Variants in ESR1 observed in about 807,000 individuals in gnomAD.
The protein encoded by ESR1 is estrogen receptor 1.
In ESR1, 12 loss-of-function variants were observed where a neutral mutation model predicts 52.7. The ratio of observed to expected loss-of-function variants is 0.23; its 90% CI spans 0.15 to 0.37. ESR1 has a LOEUF of 0.37. ESR1 is among the 10% of genes least tolerant of loss of function. The pLI is 1.00. For synonymous variants in ESR1, 305 were observed against 316.8 expected (o/e 0.96, Z 0.39); for missense variants, 584 against 779.7 (o/e 0.75, Z 2.99).
At chr6:151,809,667 A>G (rs1778483159) in intron 1 of ESR1, among the ~76,000 whole-genome samples, 1 of 152,186 alleles carries the variant, frequency 6.6e-6, no homozygotes, top group African/African-American at 2.4e-5. Flanking sequence ...GAGGATACTG[A>G]AGGGCAGATT....
At chr6:151,997,051 T>A (rs1422972345) in intron 4 of ESR1, among the ~76,000 whole-genome samples, 1 of 151,466 alleles carries the variant, frequency 6.6e-6, no homozygotes, top group African/African-American at 2.4e-5. Flanking sequence ...CCTATGTAAG[T>A]AGACTTCCTA....
At chr6:151,938,097 T>A (rs777775027) in intron 3 of ESR1, among the ~76,000 whole-genome samples, 8 of 152,216 alleles carry the variant, frequency 5.3e-5, no homozygotes, top group Admixed American at 6.5e-5. Context: ...TAATACCCCA[T>A]GAATTATTGA....
intron 1 of ESR1, among the ~76,000 whole-genome samples, chr6:151,822,676 G>A (rs938667723): frequency 2.0e-5 from 3 of 152,190 alleles, no homozygotes; most frequent in African/African-American, 4.8e-5. Flanking sequence ...AAAGCTGCAC[G>A]CCTCATGACG....
At chr6:152,003,289 C>T (rs979032522) in intron 4 of ESR1, among the ~76,000 whole-genome samples, 3 of 151,678 alleles carry the variant, frequency 2.0e-5, no homozygotes, top group Non-Finnish European at 4.4e-5. Flanking sequence ...ACTACTTCCT[C>T]ACCTGTCATC....
intron 1 of ESR1, among the ~76,000 whole-genome samples, chr6:151,818,160 CAGCTTGGTATAGA>C (rs1779971876): frequency 6.6e-6 from 1 of 152,166 alleles, no homozygotes; most frequent in African/African-American, 2.4e-5. Context: ...TCAGGCACTC[CAGCTTGGTATAGA>C]AGCCCATGGT....
chr6:151,829,318 G>A (rs1782005678), intron 1 of ESR1, among the ~76,000 whole-genome samples: 1 of 152,218 alleles, frequency 6.6e-6, no homozygotes, highest in Admixed American at 6.5e-5. Flanking sequence ...CAAAGAATAT[G>A]TCAGATATAC....
At chr6:152,019,252 A>AT (rs1324631770) in intron 5 of ESR1, among the ~76,000 whole-genome samples, 1 of 152,190 alleles carries the variant, frequency 6.6e-6, no homozygotes, top group Admixed American at 6.5e-5. Context: ...CCTGAACTAT[A>AT]TCTCAAAAAA....
chr6:151,938,808 G>T (rs1326984014), intron 3 of ESR1, among the ~76,000 whole-genome samples: 1 of 152,118 alleles, frequency 6.6e-6, no homozygotes, highest in Non-Finnish European at 1.5e-5. Flanking sequence ...ACGTGACGAG[G>T]ATATTATAGT....
intron 2 of ESR1, among the ~76,000 whole-genome samples, chr6:151,709,582 G>C (rs1048764004): frequency 2.0e-5 from 3 of 151,908 alleles, no homozygotes; most frequent in African/African-American, 4.8e-5. Context: ...CCCACTAACA[G>C]TGTGCAAGGG....
In ESR1 at chr6:152,098,608, C is replaced by A; in HGVS notation, c.1554-124C>A. On this transcript the variant is annotated intron_variant, in intron 7 of 7. Coordinates refer to ENST00000206249, the MANE Select transcript of ESR1 (RefSeq NM_000125.4). This position sits in a 1 kb window ranked among gnomAD's most constrained non-coding sequence, Gnocchi z 5.1. ...TCCCATCCTAAAGTGGGTCTTTAAA[C>A]AGGAAGAAAGAAAGATTGCTAAGTG... The A allele has an allele frequency of 2.4e-6, 2 of 835,750 alleles. No individual in the cohort carries two copies. The highest frequency in any genetic ancestry group is 4.0e-6 in the Non-Finnish European group (2 of 505,326). 51.8% of individuals were successfully genotyped at this position (835,750 alleles called of 1,614,324 possible).
chr6:151,845,452 C>T (rs1046020941), intron 2 of ESR1, among the ~76,000 whole-genome samples: 2 of 152,044 alleles, frequency 1.3e-5, no homozygotes, highest in Non-Finnish European at 2.9e-5. Flanking sequence ...ACCTGTAGTC[C>T]CAGCTACTTG....
chr6:152,012,877 A>G (rs1313736896), intron 5 of ESR1, among the ~76,000 whole-genome samples: 1 of 152,188 alleles, frequency 6.6e-6, no homozygotes, highest in African/African-American at 2.4e-5. Context: ...ACTTCAGAGC[A>G]TTTCACTATC....
intron 6 of ESR1, among the ~76,000 whole-genome samples, chr6:152,120,077 A>C (rs1201903587): frequency 1.3e-5 from 2 of 152,258 alleles, no homozygotes. Context: ...TTTTCTCAGC[A>C]ACATTTGCCA....
intron 3 of ESR1, among the ~76,000 whole-genome samples, chr6:151,901,288 G>A (rs2128407473): frequency 6.6e-6 from 1 of 152,288 alleles, no homozygotes; most frequent in South Asian, 2.1e-4. Flanking sequence ...TCTCACTCCT[G>A]TGCCCTACCA....
At chr6:152,056,472 A>G (rs543996311) in intron 5 of ESR1, among the ~76,000 whole-genome samples, 1 of 152,336 alleles carries the variant, frequency 6.6e-6, no homozygotes, top group Non-Finnish European at 1.5e-5. Context: ...TGTAAGGCAT[A>G]TTTTTGAAGA....
intron 1 of ESR1, among the ~76,000 whole-genome samples, chr6:151,693,659 C>T (rs566364363): frequency 2.0e-4 from 31 of 152,162 alleles, no homozygotes; most frequent in Admixed American, 5.9e-4. Flanking sequence ...GCTCTTTCAC[C>T]GAGGCTGGAG....
At chr6:152,077,107 A>C (rs571231438) in intron 6 of ESR1, among the ~76,000 whole-genome samples, 1 of 152,236 alleles carries the variant, frequency 6.6e-6, no homozygotes, top group Admixed American at 6.5e-5. Context: ...GAGGAAAAAA[A>C]CAGTTTTGTG....
At chr6:152,049,649 T>C (rs1489651979) in intron 5 of ESR1, among the ~76,000 whole-genome samples, 2 of 152,172 alleles carry the variant, frequency 1.3e-5, no homozygotes, top group African/African-American at 2.4e-5. Context: ...AGAGGCAGGC[T>C]CATAGTGACT....
At chr6:151,841,878 A>G (rs1784345716) in intron 1 of ESR1, among the ~76,000 whole-genome samples, 5 of 152,020 alleles carry the variant, frequency 3.3e-5, no homozygotes, top group Admixed American at 3.3e-4. Context: ...ATTCTCAGCT[A>G]ATTTTTTTAA....
Sources: allele counts gnomAD v4.1 joint callset (sites outside exome capture counted in the v4.1 genomes callset), GRCh38; gene constraint gnomAD v4.1.1; non-coding constraint Gnocchi (gnomAD v3.1); transcripts MANE v1.5; gene names NCBI Gene and HGNC (gene_info 2026-07-23, HGNC 2026-07-21).